The following TBC1D1 variants were observed in gnomAD, a reference collection of about 807,000 sequenced individuals.
The protein encoded by TBC1D1 is TBC1 (tre-2/USP6, BUB2, cdc16) domain family, member 1.
TBC1D1 carries 89 observed loss-of-function variants against 125.6 expected under a neutral mutation model. The observed-to-expected ratio is 0.71, with a 90% CI of 0.60 to 0.85. TBC1D1 has a LOEUF of 0.85. Ranked by LOEUF, TBC1D1 falls within the 40% of genes least tolerant of loss-of-function variation. The probability of loss-of-function intolerance (pLI) is 0.00; values close to 1 mark genes in which losing one functional copy is unlikely to be tolerated. For missense variants in TBC1D1, 1,377 were observed against 1,469.2 expected (o/e 0.94, Z 1.03); for synonymous variants, 565 against 564.1 (o/e 1.00, Z -0.02).
chr4:37,994,668 T>C (rs1737381907), intron 2 of TBC1D1, among the ~76,000 whole-genome samples: 1 of 152,212 alleles, frequency 6.6e-6, no homozygotes, highest in Admixed American at 6.5e-5. Flanking sequence ...ATGACCCTTG[T>C]TGCTGCTGCT....
At chr4:37,994,052 G>C (rs1737236188) in intron 2 of TBC1D1, among the ~76,000 whole-genome samples, 1 of 152,172 alleles carries the variant, frequency 6.6e-6, no homozygotes, top group African/African-American at 2.4e-5. Flanking sequence ...AGGCCTGAAG[G>C]GGGAGTAAAA....
chr4:38,105,552 G>A lies in TBC1D1; in HGVS notation c.2557+2395G>A, dbSNP rs9790552. ...AACTTGTCACCCAGGAACCAAGCATGGTACCCAATAGGTAGTTTTTCAACC... is the reference window on the plus strand; with the variant it reads ...AACTTGTCACCCAGGAACCAAGCATAGTACCCAATAGGTAGTTTTTCAACC... On this transcript the variant is annotated intron_variant, in intron 15 of 19. Coordinates refer to ENST00000261439, the MANE Select transcript of TBC1D1 (RefSeq NM_015173.4). Among the ~76,000 whole-genome samples the A allele has an allele frequency of 1.4e-3, 220 of 152,192 alleles. 6 individuals are homozygous for A. In the East Asian group the frequency reaches 0.036, roughly 25 times the overall value.
In TBC1D1 at chr4:38,035,677, C is replaced by T; in HGVS notation, c.1392C>T (p.Ile464=). The T allele has an allele frequency of 6.2e-7, 1 of 1,612,482 alleles. No homozygotes were observed. The highest frequency in any genetic ancestry group is 8.5e-7 in the Non-Finnish European group (1 of 1,178,826). ...ATGAAGAGAAACAGAAAGAACACAT[C>T]CATATTGGGGAGATGAAGCAGGTAT... The change falls in exon 8 of 20, where the codon ATC becomes ATT. Residue 464 remains isoleucine, a synonymous_variant. Coordinates refer to ENST00000261439, the MANE Select transcript of TBC1D1 (RefSeq NM_015173.4).
intron 12 of TBC1D1, among the ~76,000 whole-genome samples, chr4:38,085,792 G>A (rs530363031): frequency 6.6e-6 from 1 of 152,332 alleles, no homozygotes; most frequent in South Asian, 2.1e-4. Flanking sequence ...AATGCTGGTA[G>A]GATTGGCTTA....
intron 1 of TBC1D1, among the ~76,000 whole-genome samples, chr4:37,898,787 G>A (rs1241618370): frequency 6.6e-6 from 1 of 152,184 alleles, no homozygotes; most frequent in Non-Finnish European, 1.5e-5. Context: ...TTGCAAGTAA[G>A]GTAAAATCTC....
At chr4:38,015,720 C>T (rs559425332) in intron 3 of TBC1D1, among the ~76,000 whole-genome samples, 12 of 152,274 alleles carry the variant, frequency 7.9e-5, no homozygotes, top group Non-Finnish European at 1.6e-4. Context: ...TGCTGACTGA[C>T]GTTCTGTAGA....
intron 2 of TBC1D1, among the ~76,000 whole-genome samples, chr4:38,007,878 T>C (rs1049585315): frequency 6.6e-6 from 1 of 152,212 alleles, no homozygotes; most frequent in African/African-American, 2.4e-5. Flanking sequence ...TATGAAGCCC[T>C]GCCTTCCCTG....
rs553373308 is a variant in TBC1D1, at chr4:38,096,706, T to C, written c.2398+616T>C. 3.9e-5 allele frequency among the ~76,000 whole-genome samples: 6 copies of C among 152,320 alleles called. No homozygotes were observed. The South Asian group carries it at 1.2e-3, about 32-fold the overall frequency. On this transcript the variant is annotated intron_variant, in intron 14 of 19. Coordinates refer to ENST00000261439, the MANE Select transcript of TBC1D1 (RefSeq NM_015173.4). ...TGTTACTGGTCCAAGAAGAGATAAG[T>C]ACAGAACTTGAAACTAAGCTTTTGG...
intron 12 of TBC1D1, among the ~76,000 whole-genome samples, chr4:38,068,914 C>A (rs191643882): frequency 9.2e-5 from 14 of 152,298 alleles, no homozygotes; most frequent in African/African-American, 3.1e-4. Flanking sequence ...AAATGTGGCA[C>A]CATCAGCCTT....
chr4:37,955,329 G>T (rs1481234427), intron 2 of TBC1D1, among the ~76,000 whole-genome samples: 2 of 152,072 alleles, frequency 1.3e-5, no homozygotes, highest in African/African-American at 4.8e-5. Context: ...GTATACAGTT[G>T]TCCCTCAGTG....
At chr4:37,925,357 C>T (rs17497040) in intron 2 of TBC1D1, among the ~76,000 whole-genome samples, 18,868 of 152,082 alleles carry the variant, frequency 0.12, 1,236 homozygotes, top group Admixed American at 0.19. Context: ...CCTGAACCAA[C>T]GCTGTCTATA....
At chr4:38,018,670 A>G (rs1404149375) in intron 4 of TBC1D1, among the ~76,000 whole-genome samples, 1 of 152,164 alleles carries the variant, frequency 6.6e-6, no homozygotes, top group African/African-American at 2.4e-5. Context: ...GACAAAATAG[A>G]TCTACTTTTA....
At chr4:37,979,731 G>T (rs1027239607) in intron 2 of TBC1D1, among the ~76,000 whole-genome samples, 1 of 152,226 alleles carries the variant, frequency 6.6e-6, no homozygotes, top group Non-Finnish European at 1.5e-5. Flanking sequence ...GGAAGGAGAA[G>T]GGGTGGGTGT....
In TBC1D1 at chr4:38,074,103, A is replaced by G. The variant is rs544625060; in HGVS notation, c.2051-15829A>G. Among the ~76,000 whole-genome samples, 143 of 152,314 alleles carry G rather than the reference A, an allele frequency of 9.4e-4. 1 individual carries two copies. The highest frequency in any genetic ancestry group is 6.1e-3 in the Admixed American group (93 of 15,300). ...AATCCTGAAGTCACTGCCAGAGGAAACCTGGTTCCTGAGATAGCAGCTTGA... is the reference window on the plus strand; with the variant it reads ...AATCCTGAAGTCACTGCCAGAGGAAGCCTGGTTCCTGAGATAGCAGCTTGA... On this transcript the variant is annotated intron_variant, in intron 12 of 19. Transcript: ENST00000261439.
rs760262278 is a variant in TBC1D1, at chr4:38,102,984, C to T, written c.2399-15C>T. On this transcript the variant is annotated splice_polypyrimidine_tract_variant and intron_variant, in intron 14 of 19. Coordinates refer to ENST00000261439, the MANE Select transcript of TBC1D1 (RefSeq NM_015173.4). ...TGTGCATAAATTATTTCCATGTCTTCTCTCCCTTTTAAAGGTGTGCCACGT... is the reference window on the plus strand; with the variant it reads ...TGTGCATAAATTATTTCCATGTCTTTTCTCCCTTTTAAAGGTGTGCCACGT... 2 of 1,608,048 alleles carry T rather than the reference C, an allele frequency of 1.2e-6. No homozygotes were observed. The highest frequency in any genetic ancestry group is 3.4e-5 in the Admixed American group (2 of 58,836).
In TBC1D1 at chr4:38,138,125, T is replaced by C. The variant is rs1390449114; in HGVS notation, c.*790T>C. ...TCTCTCTTTGGTATTTAAGGAAGTT[T>C]GTCTTTAAAAAAAAAATAGAGTGTT... On this transcript the variant is annotated 3_prime_UTR_variant, in exon 20 of 20. Transcript: ENST00000261439. The C allele has an allele frequency of 6.6e-6, 1 of 151,766 alleles. No homozygotes were observed. The highest frequency in any genetic ancestry group is 1.5e-5 in the Non-Finnish European group (1 of 68,024). 9.4% of individuals were successfully genotyped at this position (151,766 alleles called of 1,614,324 possible).
In TBC1D1 at chr4:37,977,507, C is replaced by G; in HGVS notation, c.418-37002C>G. On this transcript the variant is annotated intron_variant, in intron 2 of 19. Transcript: ENST00000261439. This position sits in a 1 kb window ranked among gnomAD's most constrained non-coding sequence, Gnocchi z 4.3. ...GCCGCCGCCCGGCCCGCGATGTCAC[C>G]ATTGTTCAGCTGGGTGGCCAAGGTA... The G allele has an allele frequency of 1.0e-6, 1 of 993,908 alleles. No individual in the cohort carries two copies. The highest frequency in any genetic ancestry group is 1.2e-6 in the Non-Finnish European group (1 of 827,644). 61.6% of individuals were successfully genotyped at this position (993,908 alleles called of 1,614,324 possible).
intron 12 of TBC1D1, among the ~76,000 whole-genome samples, chr4:38,069,291 C>T (rs1178518530): frequency 6.6e-6 from 1 of 152,188 alleles, no homozygotes; most frequent in Non-Finnish European, 1.5e-5. Flanking sequence ...GTTCCCTTCT[C>T]GCCTGTTTAA....
In TBC1D1 at chr4:38,044,383, A is replaced by G; in HGVS notation, c.1435A>G (p.Asn479Asp). ...TTAGACATCGCAGATGGCAGCAGAG[A>G]ATATTGGAAGTGAATTACCACCCAG... The change falls in exon 9 of 20, where the codon AAT (asparagine) becomes GAT (aspartate). Residue 479 changes from asparagine (N) to aspartate (D), a missense_variant. Transcript: ENST00000261439. The G allele has an allele frequency of 6.2e-7, 1 of 1,607,314 alleles. No individual in the cohort carries two copies. Among genetic ancestry groups the G allele is most frequent in the Non-Finnish European group, 8.5e-7 (1 of 1,178,530 alleles).
Sources: gnomAD v4.1 joint callset for allele counts (sites outside exome capture counted in the v4.1 genomes callset) on GRCh38, gnomAD v4.1.1 for gene constraint, Gnocchi (gnomAD v3.1) non-coding constraint, MANE v1.5 for transcripts, NCBI Gene and HGNC (gene_info 2026-07-23, HGNC 2026-07-21) for gene names.